FBXW11: variants seen among roughly 807,000 people sequenced by gnomAD.
FBXW11 encodes F-box/WD repeat-containing protein 11.
Under a neutral mutation model 77.6 loss-of-function variants are expected in FBXW11, and 19 were observed. The observed-to-expected ratio is 0.24, with a 90% CI of 0.17 to 0.36. The LOEUF is 0.36. FBXW11 is among the 10% of genes least tolerant of loss of function. The pLI, the probability that FBXW11 is intolerant of heterozygous loss-of-function variation, is 1.00. For synonymous variants in FBXW11, 235 were observed against 249.4 expected (o/e 0.94, Z 0.54); for missense variants, 334 against 704.2 (o/e 0.47, Z 5.95).
At chr5:171,933,060 G>A (rs913383721) in intron 2 of FBXW11, among the ~76,000 whole-genome samples, 1 of 149,402 alleles carries the variant, frequency 6.7e-6, no homozygotes, top group African/African-American at 2.5e-5. Context: ...AAGCCCAGGA[G>A]GTTGAGGCTT....
At chr5:171,913,664 G>A (rs970203958) in intron 3 of FBXW11, among the ~76,000 whole-genome samples, 6 of 152,064 alleles carry the variant, frequency 3.9e-5, no homozygotes, top group Non-Finnish European at 7.3e-5. Context: ...AATGAACCCA[G>A]AGAATTTATT....
intron 4 of FBXW11, among the ~76,000 whole-genome samples, chr5:171,900,507 G>A (rs1460519697): frequency 5.3e-5 from 8 of 152,054 alleles, no homozygotes; most frequent in Non-Finnish European, 7.4e-5. Context: ...ACTGGAACTC[G>A]GATTTCTTGC....
chr5:171,959,301 A>G (rs988942125), intron 1 of FBXW11, among the ~76,000 whole-genome samples: 3 of 152,062 alleles, frequency 2.0e-5, no homozygotes, highest in East Asian at 1.9e-4. Flanking sequence ...CAGAGTACCA[A>G]CCACAGAAGG....
intron 7 of FBXW11, among the ~76,000 whole-genome samples, chr5:171,880,340 C>T (rs945778888): frequency 2.6e-5 from 4 of 152,194 alleles, no homozygotes; most frequent in African/African-American, 4.8e-5. Context: ...ACTGTGATGA[C>T]TGCAGTTTTA....
intron 4 of FBXW11, among the ~76,000 whole-genome samples, chr5:171,906,838 C>G (rs1462303778): frequency 6.6e-6 from 1 of 152,184 alleles, no homozygotes; most frequent in Non-Finnish European, 1.5e-5. Flanking sequence ...CTTATCTACG[C>G]TCTGTTTCTT....
intron 10 of FBXW11, 43 bp downstream of exon 10, chr5:171,872,829 G>A: frequency 7.0e-7 from 1 of 1,436,758 alleles, no homozygotes. Context: ...CAACAATGTG[G>A]CAAAAATCAG....
intron 13 of FBXW11, among the ~76,000 whole-genome samples, chr5:171,866,612 T>G (rs1197533934): frequency 6.6e-6 from 1 of 152,232 alleles, no homozygotes; most frequent in Non-Finnish European, 1.5e-5. Context: ...TTAGGTAATA[T>G]ATAGATGTTG....
chr5:171,958,840 G>C (rs903765004), intron 1 of FBXW11, among the ~76,000 whole-genome samples: 5 of 152,062 alleles, frequency 3.3e-5, no homozygotes, highest in Admixed American at 1.3e-4. Context: ...CAGAAGTCTT[G>C]GACCCAAGCT....
At chr5:171,879,056 CTATG>C (rs1758331385) in intron 7 of FBXW11, among the ~76,000 whole-genome samples, 1 of 152,104 alleles carries the variant, frequency 6.6e-6, no homozygotes, top group South Asian at 2.1e-4. Context: ...GACACAATGA[CTATG>C]TATATTTTAG....
chr5:171,997,807 A>T (rs1273510029), intron 1 of FBXW11, among the ~76,000 whole-genome samples: 1 of 152,226 alleles, frequency 6.6e-6, no homozygotes, highest in Non-Finnish European at 1.5e-5. Flanking sequence ...AGGGAAAGAG[A>T]AAAAGCATTC....
intron 1 of FBXW11, among the ~76,000 whole-genome samples, chr5:171,965,071 G>T (rs993048223): frequency 6.5e-4 from 99 of 152,130 alleles, no homozygotes; most frequent in Non-Finnish European, 1.1e-3. Context: ...GAAGAATGAG[G>T]AAAACCAAAA....
intron 1 of FBXW11, among the ~76,000 whole-genome samples, chr5:171,999,234 G>A (rs1432651200): frequency 7.9e-5 from 12 of 152,058 alleles, no homozygotes; most frequent in Admixed American, 7.9e-4. Flanking sequence ...TGCTAAAACA[G>A]TATACTATGC....
At chr5:171,880,183 T>C (rs1283614740) in intron 7 of FBXW11, among the ~76,000 whole-genome samples, 2 of 152,208 alleles carry the variant, frequency 1.3e-5, no homozygotes, top group African/African-American at 4.8e-5. Context: ...TTCTGCCCCA[T>C]TTGTTGAAGA....
intron 1 of FBXW11, among the ~76,000 whole-genome samples, chr5:171,972,252 A>G (rs1764573092): frequency 6.6e-6 from 1 of 151,648 alleles, no homozygotes. Context: ...CTGAGGCAGG[A>G]GAATTGCTTG....
At chr5:171,911,004 A>T (rs1375628085) in intron 3 of FBXW11, among the ~76,000 whole-genome samples, 1 of 151,596 alleles carries the variant, frequency 6.6e-6, no homozygotes, top group African/African-American at 2.4e-5. Flanking sequence ...GGAAATGCCA[A>T]AATTGTAGCT....
chr5:171,936,826 C>CA (rs1165177383), intron 2 of FBXW11, among the ~76,000 whole-genome samples: 1 of 151,936 alleles, frequency 6.6e-6, no homozygotes, highest in Non-Finnish European at 1.5e-5. Context: ...GAAAGCTTAT[C>CA]ATATATTAGA....
chr5:171,885,931 A>G (rs932938438), intron 7 of FBXW11, among the ~76,000 whole-genome samples: 1 of 152,214 alleles, frequency 6.6e-6, no homozygotes, highest in Non-Finnish European at 1.5e-5. Context: ...TAGAGCAAAA[A>G]AAAGGTTTCC....
chr5:171,903,640 A>G (rs1484960023), intron 4 of FBXW11, among the ~76,000 whole-genome samples: 1 of 151,998 alleles, frequency 6.6e-6, no homozygotes, highest in Non-Finnish European at 1.5e-5. Context: ...TCTGATTTCT[A>G]CACTTAATAT....
intron 2 of FBXW11, among the ~76,000 whole-genome samples, chr5:171,948,894 G>A (rs564784512): frequency 1.3e-5 from 2 of 152,286 alleles, no homozygotes; most frequent in African/African-American, 4.8e-5. Flanking sequence ...TTCTCCCATA[G>A]CACAGGCTCT....
Sources: allele counts gnomAD v4.1 joint callset (sites outside exome capture counted in the v4.1 genomes callset), GRCh38; gene constraint gnomAD v4.1.1; transcripts MANE v1.5; gene names NCBI Gene and HGNC (gene_info 2026-07-23, HGNC 2026-07-21).